The following EBF1 variants were observed in gnomAD, a reference collection of about 807,000 sequenced individuals.
EBF1 encodes EBF transcription factor 1, also known as transcription factor COE1.
EBF1 carries 10 observed loss-of-function variants against 68.4 expected under a neutral mutation model. The observed-to-expected ratio is 0.15, with a 90% CI of 0.09 to 0.25. EBF1 has a LOEUF of 0.25. Among genes scored for constraint, EBF1 ranks in the 10% least tolerant of loss-of-function variants. The pLI is 1.00. For missense variants in EBF1, 509 were observed against 794.4 expected (o/e 0.64, Z 4.32); for synonymous variants, 298 against 299.8 (o/e 0.99, Z 0.06).
chr5:158,741,639 T>A (rs147678574), intron 10 of EBF1, among the ~76,000 whole-genome samples: 61 of 152,146 alleles, frequency 4.0e-4, no homozygotes, highest in African/African-American at 1.4e-3. Flanking sequence ...AAACTGGTAG[T>A]TTATACAGTA....
chr5:159,076,361 T>G (rs1376662452), intron 5 of EBF1, among the ~76,000 whole-genome samples: 1 of 152,106 alleles, frequency 6.6e-6, no homozygotes, highest in Non-Finnish European at 1.5e-5. Context: ...AAGGTGCACC[T>G]CATCCCAACC....
chr5:158,944,953 T>C (rs964305994), intron 6 of EBF1, among the ~76,000 whole-genome samples: 1 of 152,266 alleles, frequency 6.6e-6, no homozygotes, highest in Non-Finnish European at 1.5e-5. Context: ...TTAAGTTCCA[T>C]GTAGATTCTG....
At chr5:158,865,913 T>C (rs1358945950) in intron 6 of EBF1, among the ~76,000 whole-genome samples, 1 of 152,176 alleles carries the variant, frequency 6.6e-6, no homozygotes, top group Non-Finnish European at 1.5e-5. Flanking sequence ...TTATTCACCA[T>C]CGTTGGAGCA....
At chr5:159,008,971 T>C (rs1764112816) in intron 6 of EBF1, among the ~76,000 whole-genome samples, 1 of 152,206 alleles carries the variant, frequency 6.6e-6, no homozygotes, top group Admixed American at 6.5e-5. Context: ...GAATGTAAGA[T>C]GCTGGAAGTA....
At chr5:159,059,489 G>A (rs1220326920) in intron 6 of EBF1, among the ~76,000 whole-genome samples, 1 of 152,146 alleles carries the variant, frequency 6.6e-6, no homozygotes, top group African/African-American at 2.4e-5. Flanking sequence ...TACTGTCTGA[G>A]AATTCTCAGG....
chr5:158,743,263 A>G (rs1371011689), intron 10 of EBF1, among the ~76,000 whole-genome samples: 1 of 152,228 alleles, frequency 6.6e-6, no homozygotes, highest in African/African-American at 2.4e-5. Context: ...GGATTTTTCT[A>G]CGGAAAAGGA....
At chr5:158,919,124 G>C (rs1583165516) in intron 6 of EBF1, among the ~76,000 whole-genome samples, 1 of 152,294 alleles carries the variant, frequency 6.6e-6, no homozygotes, top group East Asian at 1.9e-4. Flanking sequence ...GGCCTGCGAG[G>C]ATGTGCAGAC....
intron 6 of EBF1, among the ~76,000 whole-genome samples, chr5:158,852,372 A>T (rs1793124844): frequency 3.9e-5 from 6 of 152,040 alleles, no homozygotes; most frequent in Admixed American, 3.9e-4. Flanking sequence ...CAGCATCTTC[A>T]TGTGTTGCCT....
chr5:158,845,271 C>T (rs936782255), intron 6 of EBF1, among the ~76,000 whole-genome samples: 1 of 152,140 alleles, frequency 6.6e-6, no homozygotes, highest in Non-Finnish European at 1.5e-5. Flanking sequence ...TTCAACAATT[C>T]CTGAACCTCA....
intron 6 of EBF1, among the ~76,000 whole-genome samples, chr5:159,046,033 C>T (rs1425093370): frequency 6.6e-6 from 1 of 152,188 alleles, no homozygotes; most frequent in African/African-American, 2.4e-5. Context: ...ATTACTATCC[C>T]AGTAACTTCC....
intron 10 of EBF1, among the ~76,000 whole-genome samples, chr5:158,741,118 CAT>C (rs780304275): frequency 4.6e-5 from 7 of 152,184 alleles, no homozygotes; most frequent in Non-Finnish European, 8.8e-5. Context: ...ACTAGTGAAA[CAT>C]GTGTTCCTGG....
chr5:158,854,751 A>T lies in EBF1; in HGVS notation c.555-14641T>A, dbSNP rs557960791. Among the ~76,000 whole-genome samples, 19 of 152,344 alleles carry T rather than the reference A, an allele frequency of 1.2e-4. No individual in the cohort carries two copies. The East Asian group carries it at 3.7e-3, about 29-fold the overall frequency. On this transcript the variant is annotated intron_variant, in intron 6 of 15. Transcript: ENST00000313708. ...CTCTGTATGAAAGAAGACGCCATCA[A>T]ACCCAGCACAAACAAGTTTTTTCCC...
chr5:158,827,301 T>C (rs1260368403), intron 7 of EBF1, among the ~76,000 whole-genome samples: 1 of 152,204 alleles, frequency 6.6e-6, no homozygotes, highest in Non-Finnish European at 1.5e-5. Flanking sequence ...TGTCCACTGC[T>C]CAACACAAAC....
intron 6 of EBF1, among the ~76,000 whole-genome samples, chr5:159,032,665 A>AC (rs1370698768): frequency 1.8e-4 from 28 of 152,158 alleles, no homozygotes; most frequent in African/African-American, 6.8e-4. Context: ...TCTCTCCGAA[A>AC]CCACCCTCTC....
intron 6 of EBF1, among the ~76,000 whole-genome samples, chr5:159,023,190 TAAA>T (rs11291084): frequency 7.0e-5 from 10 of 142,342 alleles, no homozygotes; most frequent in Non-Finnish European, 6.2e-5. Context: ...ATTTTCTCAC[TAAA>T]AAAAAAAAAA....
In EBF1 at chr5:159,099,588, AT is replaced by A. The variant is rs1158313686; in HGVS notation, c.-111del. On this transcript the variant is annotated 5_prime_UTR_variant, in exon 1 of 16. Transcript: ENST00000313708. Reference sequence around the variant, plus strand: ...AAAGAAACAAAAACGCCAACCAGAGATTTTTTTTTTTCTCAGACGATGAACT... The same window carrying A: ...AAAGAAACAAAAACGCCAACCAGAGATTTTTTTTTTCTCAGACGATGAACT... 0.022 allele frequency: 23,462 copies of A among 1,067,698 alleles called. No homozygotes were observed. Among genetic ancestry groups the A allele is most frequent in the South Asian group, 0.029 (1,266 of 43,082 alleles). 66.1% of individuals were successfully genotyped at this position (1,067,698 alleles called of 1,614,324 possible).
chr5:158,790,222 C>T (rs76204928), intron 9 of EBF1, among the ~76,000 whole-genome samples: 5 of 152,216 alleles, frequency 3.3e-5, no homozygotes, highest in African/African-American at 9.6e-5. Context: ...AGCTGCCCTA[C>T]AAAATCATAT....
chr5:158,988,201 G>A (rs138001042), intron 6 of EBF1, among the ~76,000 whole-genome samples: 1 of 152,170 alleles, frequency 6.6e-6, no homozygotes, highest in African/African-American at 2.4e-5. Flanking sequence ...GCCCATTCTG[G>A]TGGAAGTCTG....
At chr5:159,054,415 TAGAG>T (rs776168801) in intron 6 of EBF1, among the ~76,000 whole-genome samples, 4 of 152,140 alleles carry the variant, frequency 2.6e-5, no homozygotes, top group South Asian at 2.1e-4. Context: ...ATTTAAAAAA[TAGAG>T]AGAGAGATCT....
Sources: gnomAD v4.1 joint callset for allele counts (sites outside exome capture counted in the v4.1 genomes callset) on GRCh38, gnomAD v4.1.1 for gene constraint, MANE v1.5 for transcripts, NCBI Gene and HGNC (gene_info 2026-07-23, HGNC 2026-07-21) for gene names.